RGS5: variants seen among roughly 807,000 people sequenced by gnomAD.
The protein encoded by RGS5 is regulator of G protein signaling 5.
In RGS5, 20 loss-of-function variants were observed where a neutral mutation model predicts 18.9. The ratio of observed to expected loss-of-function variants is 1.06; its 90% CI spans 0.74 to 1.54. The LOEUF is 1.54. Ranked by LOEUF, RGS5 falls within the 40% of genes most tolerant of loss-of-function variation. The pLI, the probability that RGS5 is intolerant of heterozygous loss-of-function variation, is 0.00. For missense variants in RGS5, 201 were observed against 211.8 expected (o/e 0.95, Z 0.32); for synonymous variants, 57 against 76.2 (o/e 0.75, Z 1.31).
intron 2 of RGS5, among the ~76,000 whole-genome samples, chr1:163,280,338 T>C (rs1648960339): frequency 6.6e-6 from 1 of 152,122 alleles, no homozygotes; most frequent in Admixed American, 6.6e-5. Flanking sequence ...ATCCCATGGA[T>C]GCAAGGATGT....
At chr1:163,264,033 T>C (rs61812166) in intron 2 of RGS5, among the ~76,000 whole-genome samples, 14,681 of 152,024 alleles carry the variant, frequency 0.097, 977 homozygotes, top group South Asian at 0.2. Flanking sequence ...AAGCCTTTCA[T>C]TTTCTTTGGC....
At chr1:163,170,099 T>C (rs540152859) in intron 1 of RGS5, among the ~76,000 whole-genome samples, 2 of 152,300 alleles carry the variant, frequency 1.3e-5, no homozygotes, top group East Asian at 3.9e-4. Context: ...TCTTAAATAT[T>C]AATCCATAGG....
At position 163,175,907 on chromosome 1, in the gene RGS5, G is replaced by A. The variant is rs556062517; in HGVS notation, c.45-7539C>T. Reference sequence around the variant, plus strand: ...AATATATAGTAGTAGTAGTATTAATGTGTTATGATATGACTTCAGAAATGA... The same window carrying A: ...AATATATAGTAGTAGTAGTATTAATATGTTATGATATGACTTCAGAAATGA... On this transcript the variant is annotated intron_variant, in intron 1 of 4. Transcript: ENST00000313961. Among the ~76,000 whole-genome samples, 14 of 152,272 alleles carry A rather than the reference G, an allele frequency of 9.2e-5. No individual in the cohort carries two copies. In the South Asian group the frequency reaches 1.2e-3, roughly 14 times the overall value.
chr1:163,203,137 G>A (rs3817125), upstream of RGS5: 247 of 322,556 alleles, frequency 7.7e-4, 8 homozygotes, highest in East Asian at 0.015. Flanking sequence ...CCAGGGCAGG[G>A]TTAGGCCCTA....
intron 1 of RGS5, chr1:163,212,235 G>A (rs1024178634): frequency 1.3e-5 from 2 of 152,098 alleles, no homozygotes; most frequent in Non-Finnish European, 2.9e-5. Context: ...CAGCTATTGT[G>A]TCTTATTTCC....
chr1:163,217,612 T>C, exon 1 of RGS5: 2 of 1,541,280 alleles, frequency 1.3e-6, no homozygotes, highest in Non-Finnish European at 1.7e-6. Flanking sequence ...TGAGGTTTTG[T>C]TTCTTTGTTT....
At chr1:163,245,619 T>A (rs1245255505) in intron 2 of RGS5, among the ~76,000 whole-genome samples, 1 of 152,174 alleles carries the variant, frequency 6.6e-6, no homozygotes, top group Admixed American at 6.5e-5. Flanking sequence ...CAAAAGCAAA[T>A]CCTAGTTTTA....
At chr1:163,309,696 T>C (rs1218975521) in intron 1 of RGS5, among the ~76,000 whole-genome samples, 1 of 152,010 alleles carries the variant, frequency 6.6e-6, no homozygotes, top group Non-Finnish European at 1.5e-5. Flanking sequence ...TCCAAATTCC[T>C]ATTATAATAA....
chr1:163,226,713 G>A (rs1326593972), intron 2 of RGS5, among the ~76,000 whole-genome samples: 1 of 152,160 alleles, frequency 6.6e-6, no homozygotes, highest in Non-Finnish European at 1.5e-5. Flanking sequence ...AAAAATAGAA[G>A]CATGATTACA....
Position 163,209,995 on chromosome 1 carries a change from CT to C in RGS5, c.69+7530del, listed in dbSNP as rs909936825. Reference sequence around the variant, plus strand: ...TTTTCTTTTTCTGTATGTCTTTATTCTTTTTTTTTTCTGGGACAGGGTCTGG... The same window carrying C: ...TTTTCTTTTTCTGTATGTCTTTATTCTTTTTTTTTCTGGGACAGGGTCTGG... On this transcript the variant is annotated intron_variant, in intron 1 of 5. Coordinates refer to the RGS5 transcript ENST00000367903. Among the ~76,000 whole-genome samples, 16 of 148,880 alleles carry C rather than the reference CT, an allele frequency of 1.1e-4. 1 individual carries two copies. Among genetic ancestry groups the C allele is most frequent in the East Asian group, 7.9e-4 (4 of 5,078 alleles).
At chr1:163,296,949 AAG>A (rs1437198863) in intron 2 of RGS5, among the ~76,000 whole-genome samples, 11 of 152,296 alleles carry the variant, frequency 7.2e-5, no homozygotes, top group African/African-American at 2.2e-4. Context: ...CTTTATTTGC[AAG>A]AGTCTTTCTC....
At chr1:163,237,557 C>A (rs1647663070) in intron 2 of RGS5, among the ~76,000 whole-genome samples, 1 of 151,856 alleles carries the variant, frequency 6.6e-6, no homozygotes, top group Non-Finnish European at 1.5e-5. Flanking sequence ...CGGTGGCGTG[C>A]ACCTGTAGTC....
rs538738398 is a variant in RGS5 at position 163,152,357 on chromosome 1, G to A, written c.384+193C>T. Reference sequence around the variant, plus strand: ...GGTGAGACCCATAAAACTAGAAAGCGGTCTGAACAGGATTGTTCATATATA... The same window carrying A: ...GGTGAGACCCATAAAACTAGAAAGCAGTCTGAACAGGATTGTTCATATATA... On this transcript the variant is annotated intron_variant, in intron 4 of 4. Transcript: ENST00000313961. 9 of 471,884 alleles carry A rather than the reference G, an allele frequency of 1.9e-5. No individual in the cohort carries two copies. The South Asian group carries it at 2.5e-4, about 13-fold the overall frequency. The allele number at this position is 471,884 out of a possible 1,614,324, so 29.2% of individuals were successfully genotyped here. A position where few individuals can be genotyped will look rare whatever the true frequency, so the allele number is the denominator to read the frequency against.
intron 2 of RGS5, among the ~76,000 whole-genome samples, chr1:163,301,357 G>A (rs1309947392): frequency 1.3e-5 from 2 of 151,018 alleles, no homozygotes; most frequent in Admixed American, 6.6e-5. Context: ...TTTTGAGACA[G>A]GGTCTCACTC....
chr1:163,238,072 A>G (rs972743496), intron 2 of RGS5: 2 of 157,120 alleles, frequency 1.3e-5, no homozygotes, highest in Non-Finnish European at 2.9e-5. Flanking sequence ...AGAAAGTTAG[A>G]TTTGTTGGGC....
intron 2 of RGS5, among the ~76,000 whole-genome samples, chr1:163,286,476 AT>A (rs1327230212): frequency 2.0e-5 from 3 of 151,554 alleles, no homozygotes; most frequent in Non-Finnish European, 4.4e-5. Context: ...GTCTCTCATT[AT>A]TTTTTCCTAT....
At chr1:163,216,693 C>G (rs910138378) in intron 1 of RGS5, among the ~76,000 whole-genome samples, 1 of 152,136 alleles carries the variant, frequency 6.6e-6, no homozygotes, top group Admixed American at 6.5e-5. Context: ...ACGATATTAT[C>G]ATGTAAGACT....
At chr1:163,298,174 T>A (rs1649468781) in intron 2 of RGS5, among the ~76,000 whole-genome samples, 2 of 152,274 alleles carry the variant, frequency 1.3e-5, no homozygotes, top group South Asian at 4.1e-4. Flanking sequence ...AAATATGTAT[T>A]TTATATATAT....
chr1:163,265,786 T>C (rs1374418198), intron 2 of RGS5, among the ~76,000 whole-genome samples: 1 of 152,148 alleles, frequency 6.6e-6, no homozygotes, highest in Admixed American at 6.6e-5. Context: ...ATCATCTTTT[T>C]GTTCCTGTTA....
Sources: allele counts gnomAD v4.1 joint callset (sites outside exome capture counted in the v4.1 genomes callset), GRCh38; gene constraint gnomAD v4.1.1; transcripts MANE v1.5; gene names NCBI Gene and HGNC (gene_info 2026-07-23, HGNC 2026-07-21).